Variants in MDFIC observed in about 807,000 individuals in gnomAD.
MDFIC encodes the protein myoD family inhibitor domain-containing protein.
A neutral mutation model predicts 23.2 loss-of-function variants in MDFIC; 17 were observed. The observed-to-expected ratio is 0.73, with a 90% CI of 0.50 to 1.10. The LOEUF is 1.10. MDFIC is among the 50% of genes least tolerant of loss of function. The pLI, the probability that MDFIC is intolerant of heterozygous loss-of-function variation, is 0.00. For missense variants in MDFIC, 356 were observed against 316.6 expected, an observed-to-expected ratio of 1.12 and a Z score of -0.95; for synonymous variants, 120 against 115.2, an observed-to-expected ratio of 1.04 and a Z score of -0.27.
chr7:115,018,350 T>C lies in MDFIC; in HGVS notation c.*2415T>C, dbSNP rs546940527. 1 of 152,144 alleles carries C rather than the reference T, an allele frequency of 6.6e-6. No homozygotes were observed. The highest frequency in any genetic ancestry group is 6.5e-5 in the Admixed American group (1 of 15,296). 9.4% of individuals were successfully genotyped at this position (152,144 alleles called of 1,614,324 possible). On this transcript the variant is annotated 3_prime_UTR_variant, in exon 5 of 5. Transcript: ENST00000393486. The stretch of plus-strand genomic sequence containing the variant: ...TTCAACCAAGTGGTTTGTCTAATAT[T>C]TAAACATGTACTGGCACAATTTGTG...
intron 4 of MDFIC, among the ~76,000 whole-genome samples, chr7:114,988,324 G>T (rs1006661730): frequency 6.6e-6 from 1 of 152,124 alleles, no homozygotes; most frequent in African/African-American, 2.4e-5. Context: ...GGAAAGAATT[G>T]AATAAATCCT....
chr7:115,002,038 G>A (rs1002180646), intron 4 of MDFIC, among the ~76,000 whole-genome samples: 2 of 152,164 alleles, frequency 1.3e-5, no homozygotes, highest in African/African-American at 4.8e-5. Context: ...TTGGGAGACT[G>A]AGGCAGGAGA....
At chr7:114,965,719 T>C (rs937220171) in intron 3 of MDFIC, among the ~76,000 whole-genome samples, 5 of 152,212 alleles carry the variant, frequency 3.3e-5, no homozygotes, top group African/African-American at 1.2e-4. Flanking sequence ...ATCTATTAAC[T>C]AGCACAGAGT....
chr7:115,005,884 T>C (rs1040786302), intron 4 of MDFIC, among the ~76,000 whole-genome samples: 2 of 152,240 alleles, frequency 1.3e-5, no homozygotes, highest in Non-Finnish European at 2.9e-5. Context: ...AATGTCATCA[T>C]TGATTCACAA....
chr7:114,929,107 T>TATCTATCTATCTATCTATCTATC (rs1563134669), intron 2 of MDFIC, among the ~76,000 whole-genome samples: 9 of 151,198 alleles, frequency 6.0e-5, no homozygotes, highest in Admixed American at 1.3e-4. Context: ...ATCTATCATC[T>TATCTATCTATCTATCTATCTATC]ATCTATCTAT....
chr7:115,012,565 A>C (rs1791701707), intron 4 of MDFIC, among the ~76,000 whole-genome samples: 1 of 152,206 alleles, frequency 6.6e-6, no homozygotes, highest in Non-Finnish European at 1.5e-5. Flanking sequence ...CAACCATCCT[A>C]CTGCTGGTTA....
At chr7:114,944,410 C>A (rs749098910) in intron 3 of MDFIC, among the ~76,000 whole-genome samples, 6 of 152,134 alleles carry the variant, frequency 3.9e-5, no homozygotes, top group African/African-American at 7.2e-5. Context: ...TCAAAAACTC[C>A]ATTTTTGTTA....
intron 2 of MDFIC, among the ~76,000 whole-genome samples, chr7:114,931,719 G>A (rs1792311316): frequency 1.3e-5 from 2 of 152,220 alleles, no homozygotes; most frequent in African/African-American, 4.8e-5. Context: ...GAGGTTGAGA[G>A]AGGATTTCAG....
rs903322478 is a variant in MDFIC at position 115,018,813 on chromosome 7, T to A, written c.*2878T>A. 9 of 152,012 alleles carry A rather than the reference T, an allele frequency of 5.9e-5. No individual in the cohort carries two copies. Among genetic ancestry groups the A allele is most frequent in the African/African-American group, 2.2e-4 (9 of 41,434 alleles). 9.4% of individuals were successfully genotyped at this position (152,012 alleles called of 1,614,324 possible). A position where few individuals can be genotyped will look rare whatever the true frequency, so the allele number is the denominator to read the frequency against. Reference sequence around the variant, plus strand: ...CATATTGACTAATGTTTGAAAGAATTCAACCATAAGTTAAAATCTGAAGGT... The same window carrying A: ...CATATTGACTAATGTTTGAAAGAATACAACCATAAGTTAAAATCTGAAGGT... On this transcript the variant is annotated 3_prime_UTR_variant, in exon 5 of 5. Transcript: ENST00000393486.
At chr7:114,962,022 G>C (rs566646461) in intron 3 of MDFIC, among the ~76,000 whole-genome samples, 112 of 152,258 alleles carry the variant, frequency 7.4e-4, no homozygotes, top group Middle Eastern at 3.4e-3. Flanking sequence ...ATATTATTTA[G>C]ATGACTTAGA....
intron 4 of MDFIC, among the ~76,000 whole-genome samples, chr7:114,989,366 T>A (rs1030429051): frequency 6.6e-6 from 1 of 152,156 alleles, no homozygotes; most frequent in African/African-American, 2.4e-5. Flanking sequence ...GGTTGTAGAA[T>A]GTGTAAACAG....
At chr7:114,956,722 A>T (rs1042932493) in intron 3 of MDFIC, among the ~76,000 whole-genome samples, 1 of 152,194 alleles carries the variant, frequency 6.6e-6, no homozygotes, top group African/African-American at 2.4e-5. Flanking sequence ...TAGAATCATT[A>T]GGGGTAGGGC....
At chr7:114,968,908 C>T (rs1193265944) in intron 3 of MDFIC, among the ~76,000 whole-genome samples, 2 of 152,108 alleles carry the variant, frequency 1.3e-5, no homozygotes, top group African/African-American at 2.4e-5. Context: ...TTTGTATGCT[C>T]GTCTACGTAA....
intron 4 of MDFIC, among the ~76,000 whole-genome samples, chr7:114,986,528 C>T (rs1793516827): frequency 6.6e-6 from 1 of 152,106 alleles, no homozygotes; most frequent in Admixed American, 6.6e-5. Flanking sequence ...TTACTATTTC[C>T]CCTTCCTTTC....
intron 3 of MDFIC, among the ~76,000 whole-genome samples, chr7:114,973,795 A>G (rs1793255027): frequency 6.6e-6 from 1 of 152,218 alleles, no homozygotes; most frequent in Non-Finnish European, 1.5e-5. Flanking sequence ...ATATAATCAT[A>G]AAACAATTGC....
At chr7:114,945,800 T>A (rs1399719661) in intron 3 of MDFIC, among the ~76,000 whole-genome samples, 1 of 152,188 alleles carries the variant, frequency 6.6e-6, no homozygotes, top group Admixed American at 6.5e-5. Context: ...ATGAAAAAAG[T>A]TTATAATTGG....
At chr7:114,943,755 T>C (rs1478531110) in intron 3 of MDFIC, among the ~76,000 whole-genome samples, 1 of 152,192 alleles carries the variant, frequency 6.6e-6, no homozygotes, top group Non-Finnish European at 1.5e-5. Flanking sequence ...TAGTGAGCAC[T>C]AGAAGAAGTT....
chr7:114,943,685 AAC>A (rs1374729623), intron 3 of MDFIC, among the ~76,000 whole-genome samples: 3 of 152,326 alleles, frequency 2.0e-5, no homozygotes, highest in Non-Finnish European at 1.5e-5. Flanking sequence ...GCTATTGTGA[AAC>A]ACATGATTTT....
At chr7:114,946,918 C>A (rs1211772561) in intron 3 of MDFIC, among the ~76,000 whole-genome samples, 1 of 152,168 alleles carries the variant, frequency 6.6e-6, no homozygotes, top group Non-Finnish European at 1.5e-5. Flanking sequence ...CATACCATTT[C>A]ATCACTTTAG....
Sources: allele counts gnomAD v4.1 joint callset (sites outside exome capture counted in the v4.1 genomes callset), GRCh38; gene constraint gnomAD v4.1.1; transcripts MANE v1.5; gene names NCBI Gene and HGNC (gene_info 2026-07-23, HGNC 2026-07-21).